Variants in CDH12 observed in about 807,000 individuals in gnomAD.
CDH12 encodes cadherin-12.
Under a neutral mutation model 74.1 loss-of-function variants are expected in CDH12, and 41 were observed. The ratio of observed to expected loss-of-function variants is 0.55; its 90% CI spans 0.43 to 0.72. CDH12 has a LOEUF of 0.72. CDH12 is among the 30% of genes least tolerant of loss of function. The pLI is 0.00. For missense variants in CDH12, 945 were observed against 977.2 expected, an observed-to-expected ratio of 0.97 and a Z score of 0.44; for synonymous variants, 399 against 355.0, an observed-to-expected ratio of 1.12 and a Z score of -1.39.
intron 5 of CDH12, among the ~76,000 whole-genome samples, chr5:21,996,487 G>A (rs1216353553): frequency 6.6e-6 from 1 of 152,172 alleles, no homozygotes; most frequent in Non-Finnish European, 1.5e-5. Context: ...TGAGGAAATT[G>A]AGAATCAGGA....
At chr5:22,572,772 A>G (rs1002733796) in intron 1 of CDH12, among the ~76,000 whole-genome samples, 2 of 152,184 alleles carry the variant, frequency 1.3e-5, no homozygotes, top group Non-Finnish European at 2.9e-5. Context: ...GAAAGAACAA[A>G]AGTATAAATA....
chr5:22,606,935 G>A (rs1245612339), intron 1 of CDH12, among the ~76,000 whole-genome samples: 1 of 152,128 alleles, frequency 6.6e-6, no homozygotes, highest in East Asian at 1.9e-4. Flanking sequence ...AGGCTGAGGT[G>A]GTCTCAGATG....
intron 3 of CDH12, among the ~76,000 whole-genome samples, chr5:22,246,274 T>C (rs1179313945): frequency 1.3e-5 from 2 of 152,158 alleles, no homozygotes; most frequent in Non-Finnish European, 2.9e-5. Context: ...CAGGAAGACA[T>C]AGTACCAGTC....
intron 5 of CDH12, among the ~76,000 whole-genome samples, chr5:22,017,756 C>T (rs750014487): frequency 1.5e-4 from 22 of 151,482 alleles, no homozygotes; most frequent in Non-Finnish European, 2.9e-4. Context: ...ACCAGTTTCC[C>T]TCCATTCTTT....
intron 1 of CDH12, among the ~76,000 whole-genome samples, chr5:22,754,290 A>G (rs1427290473): frequency 6.6e-6 from 1 of 152,206 alleles, no homozygotes; most frequent in Non-Finnish European, 1.5e-5. Context: ...GCCAAACAAA[A>G]ACGAAAACAA....
At position 22,098,931 on chromosome 5, in the gene CDH12, T is replaced by C. The variant is rs10079752; in HGVS notation, c.-186-20069A>G. 3.1e-3 allele frequency among the ~76,000 whole-genome samples: 476 copies of C among 152,288 alleles called. 1 individual carries two copies. The highest frequency in any genetic ancestry group is 0.011 in the African/African-American group (463 of 41,564). ...AGAACCTCTCATTTCCTTTCCATTG[T>C]AGAAATCTATCCTCAAAGAAATAAC... On this transcript the variant is annotated intron_variant, in intron 4 of 14. Transcript: ENST00000382254.
chr5:21,818,328 T>C (rs1306214567), intron 8 of CDH12, among the ~76,000 whole-genome samples: 2 of 151,974 alleles, frequency 1.3e-5, no homozygotes, highest in Non-Finnish European at 2.9e-5. Context: ...GGGAAGTTCA[T>C]TAAAAAATCA....
At chr5:21,801,836 A>G (rs994897370) in intron 10 of CDH12, among the ~76,000 whole-genome samples, 4 of 152,188 alleles carry the variant, frequency 2.6e-5, no homozygotes, top group Admixed American at 6.5e-5. Context: ...TCTTAATATT[A>G]CTAATTATGA....
chr5:22,608,660 G>A (rs920452862), intron 1 of CDH12, among the ~76,000 whole-genome samples: 1 of 152,294 alleles, frequency 6.6e-6, no homozygotes, highest in African/African-American at 2.4e-5. Context: ...ACTTTGAATT[G>A]TAACAATTCC....
intron 4 of CDH12, chr5:22,143,475 T>C (rs1427232643): frequency 6.6e-6 from 1 of 150,476 alleles, no homozygotes; most frequent in Non-Finnish European, 1.5e-5. Context: ...GTTCAAGCAA[T>C]TTCTTGCCTC....
rs1193232005 is a variant in CDH12, at chr5:22,697,558, C to T, written c.-523+155500G>A. 7.5e-5 allele frequency among the ~76,000 whole-genome samples: 9 copies of T among 120,132 alleles called. No individual in the cohort carries two copies. The South Asian group carries it at 1.8e-3, about 24-fold the overall frequency. 78.8% of individuals were successfully genotyped at this position (120,132 alleles called of 152,430 possible). A position where few individuals can be genotyped will look rare whatever the true frequency, so the allele number is the denominator to read the frequency against. The stretch of plus-strand genomic sequence containing the variant: ...CTGCACTCCAGCGTGGGCGACAGAG[C>T]GAGACTCTGTCTCAAAAAAAAAAAA... On this transcript the variant is annotated intron_variant, in intron 1 of 14. Coordinates refer to ENST00000382254, the MANE Select transcript of CDH12 (RefSeq NM_004061.5).
intron 6 of CDH12, among the ~76,000 whole-genome samples, chr5:21,951,133 A>T (rs1452905294): frequency 1.3e-5 from 2 of 152,084 alleles, no homozygotes; most frequent in Non-Finnish European, 2.9e-5. Flanking sequence ...TTGCATTTTT[A>T]AATATTTTAC....
chr5:22,137,713 A>C (rs569623111), intron 4 of CDH12, among the ~76,000 whole-genome samples: 1 of 152,154 alleles, frequency 6.6e-6, no homozygotes, highest in Admixed American at 6.6e-5. Context: ...CATTAACATT[A>C]TTTTGATAAT....
At chr5:22,666,067 TC>T (rs766305590) in intron 1 of CDH12, among the ~76,000 whole-genome samples, 2 of 152,144 alleles carry the variant, frequency 1.3e-5, no homozygotes, top group Non-Finnish European at 2.9e-5. Flanking sequence ...AAGGGCAACA[TC>T]TCAAGAATAA....
intron 3 of CDH12, among the ~76,000 whole-genome samples, chr5:22,338,012 G>A (rs548482333): frequency 6.6e-6 from 1 of 152,214 alleles, no homozygotes; most frequent in African/African-American, 2.4e-5. Context: ...ACTCTTTGGA[G>A]CTTGTCAAAA....
chr5:22,022,808 C>T (rs1452611906), intron 5 of CDH12, among the ~76,000 whole-genome samples: 1 of 152,094 alleles, frequency 6.6e-6, no homozygotes, highest in East Asian at 1.9e-4. Flanking sequence ...ATATTCCAAA[C>T]TTTATCTACC....
chr5:22,712,232 A>T (rs269034), intron 1 of CDH12, among the ~76,000 whole-genome samples: 45,138 of 151,848 alleles, frequency 0.3, 6,905 homozygotes, highest in South Asian at 0.34. Flanking sequence ...GACATTTGAA[A>T]ATGGAAAATA....
At chr5:21,810,284 A>C (rs1747678249) in intron 9 of CDH12, among the ~76,000 whole-genome samples, 1 of 152,110 alleles carries the variant, frequency 6.6e-6, no homozygotes, top group South Asian at 2.1e-4. Flanking sequence ...TTGGAGGAAA[A>C]TAACGTGTGA....
chr5:21,813,480 CAAAATAAATAAATAAATA>C (rs1747867160), intron 9 of CDH12, among the ~76,000 whole-genome samples: 1 of 151,916 alleles, frequency 6.6e-6, no homozygotes, highest in Non-Finnish European at 1.5e-5. Context: ...AACTCCATAT[CAAAATAAATAAATAAATA>C]AAAATAAATA....
Sources: gnomAD v4.1 joint callset for allele counts (sites outside exome capture counted in the v4.1 genomes callset) on GRCh38, gnomAD v4.1.1 for gene constraint, MANE v1.5 for transcripts, NCBI Gene and HGNC (gene_info 2026-07-23, HGNC 2026-07-21) for gene names.